SRFBP1: variants seen among roughly 807,000 people sequenced by gnomAD.
The protein encoded by SRFBP1 is serum response factor binding protein 1.
A neutral mutation model predicts 45.5 loss-of-function variants in SRFBP1; 47 were observed. The observed-to-expected ratio is 1.03, with a 90% confidence interval of 0.82 to 1.32. SRFBP1 has a LOEUF of 1.32. Ranked by LOEUF, SRFBP1 falls within the 40% of genes most tolerant of loss-of-function variation. The pLI is 0.00. For missense variants in SRFBP1, 621 were observed against 484.6 expected, an observed-to-expected ratio of 1.28 and a Z score of -2.64; for synonymous variants, 203 against 166.3, an observed-to-expected ratio of 1.22 and a Z score of -1.70.
At chr5:122,045,893 T>C (rs1047610852) in intron 2 of SRFBP1, among the ~76,000 whole-genome samples, 3 of 152,172 alleles carry the variant, frequency 2.0e-5, no homozygotes, top group African/African-American at 7.2e-5. Flanking sequence ...CAATACTATG[T>C]TGAATAGGAG....
chr5:122,009,366 AT>A (rs1053316061), intron 4 of SRFBP1, among the ~76,000 whole-genome samples: 2 of 151,890 alleles, frequency 1.3e-5, no homozygotes, highest in Non-Finnish European at 2.9e-5. Context: ...GATGGATACA[AT>A]TTCCTCATTT....
intron 4 of SRFBP1, among the ~76,000 whole-genome samples, chr5:122,016,112 C>G (rs1753189672): frequency 6.6e-6 from 1 of 152,154 alleles, no homozygotes. Context: ...TCTGTCTTAT[C>G]TGTAGTGTAA....
intron 4 of SRFBP1, among the ~76,000 whole-genome samples, chr5:121,998,597 A>T (rs1752785429): frequency 1.3e-5 from 2 of 149,792 alleles, no homozygotes; most frequent in Non-Finnish European, 3.0e-5. Flanking sequence ...GCGCACCAGC[A>T]TGGCACGTGT....
chr5:121,971,222 G>C (rs904468231), intron 1 of SRFBP1, among the ~76,000 whole-genome samples: 3 of 151,978 alleles, frequency 2.0e-5, no homozygotes, highest in Non-Finnish European at 4.4e-5. Flanking sequence ...TGATTGGAGA[G>C]AGGCAAGAAG....
intron 2 of SRFBP1, among the ~76,000 whole-genome samples, chr5:122,051,100 C>T (rs991655447): frequency 6.6e-6 from 1 of 152,046 alleles, no homozygotes; most frequent in African/African-American, 2.4e-5. Flanking sequence ...TTTTATTGCA[C>T]TGTTATTCTG....
chr5:122,048,709 G>A (rs1462253735), intron 2 of SRFBP1, among the ~76,000 whole-genome samples: 1 of 152,038 alleles, frequency 6.6e-6, no homozygotes, highest in Non-Finnish European at 1.5e-5. Context: ...ATTAATTATT[G>A]CCTCAATTTC....
At chr5:122,076,584 A>C (rs1475670211), downstream of SRFBP1, among the ~76,000 whole-genome samples, 4 of 152,210 alleles carry the variant, frequency 2.6e-5, no homozygotes, top group Admixed American at 2.6e-4. Flanking sequence ...TTTTATGAAA[A>C]GTGATTGGAA....
At chr5:122,014,436 G>A (rs1168934055) in intron 4 of SRFBP1, among the ~76,000 whole-genome samples, 1 of 151,902 alleles carries the variant, frequency 6.6e-6, no homozygotes, top group Non-Finnish European at 1.5e-5. Flanking sequence ...TGACTCTCCG[G>A]GGATTATGCA....
At chr5:121,999,504 GTTTT>G (rs552212667) in intron 4 of SRFBP1, among the ~76,000 whole-genome samples, 1 of 149,890 alleles carries the variant, frequency 6.7e-6, no homozygotes, top group East Asian at 2.0e-4. Context: ...TATTTTTACT[GTTTT>G]TTTTTCTGCC....
chr5:121,962,316 G>A (rs912459914), intron 1 of SRFBP1, among the ~76,000 whole-genome samples: 9 of 152,192 alleles, frequency 5.9e-5, no homozygotes, highest in Non-Finnish European at 1.3e-4. Context: ...AGAACCTTTA[G>A]CCTGTACGTT....
chr5:121,990,256 A>G (rs567439224), intron 3 of SRFBP1, among the ~76,000 whole-genome samples: 15 of 152,308 alleles, frequency 9.8e-5, no homozygotes, highest in Admixed American at 2.6e-4. Context: ...AAAGAATGAA[A>G]TCGTGTCATT....
At chr5:121,967,298 C>G (rs1184518201) in intron 1 of SRFBP1, among the ~76,000 whole-genome samples, 1 of 152,078 alleles carries the variant, frequency 6.6e-6, no homozygotes, top group Non-Finnish European at 1.5e-5. Flanking sequence ...GTGCATAGTA[C>G]TTTTTAATAA....
intron 2 of SRFBP1, among the ~76,000 whole-genome samples, chr5:122,055,425 C>G (rs1484911035): frequency 3.3e-5 from 5 of 152,276 alleles, no homozygotes; most frequent in Admixed American, 3.3e-4. Flanking sequence ...AATCCCAATA[C>G]TAAAACCTAA....
chr5:122,020,832 C>A (rs75655531), intron 6 of SRFBP1, 30 bp downstream of exon 6: 1 of 1,484,838 alleles, frequency 6.7e-7, no homozygotes, highest in East Asian at 2.4e-5. Flanking sequence ...CTGAAATAAT[C>A]ATTAGTTCTT....
chr5:121,973,612 G>A (rs1290266287), intron 1 of SRFBP1, among the ~76,000 whole-genome samples: 1 of 144,026 alleles, frequency 6.9e-6, no homozygotes, highest in Non-Finnish European at 1.5e-5. Flanking sequence ...GTGCATGTGT[G>A]TGTGGGGGGG....
At chr5:121,965,283 G>GT (rs1313670686) in intron 1 of SRFBP1, among the ~76,000 whole-genome samples, 5 of 152,140 alleles carry the variant, frequency 3.3e-5, no homozygotes, top group African/African-American at 1.2e-4. Flanking sequence ...GTCCTGAATG[G>GT]TATTGCCTAG....
At chr5:122,078,121 C>CCTTGGCATTGCTTGGTGGAG, downstream of SRFBP1, 1 of 744,494 alleles carries the variant, frequency 1.3e-6, no homozygotes, top group Non-Finnish European at 1.9e-6. Flanking sequence ...CAGTCTCCAC[C>CCTTGGCATTGCTTGGTGGAG]AAGCAATGCC....
intron 4 of SRFBP1, among the ~76,000 whole-genome samples, chr5:122,010,961 A>G (rs1426845181): frequency 2.6e-5 from 4 of 152,152 alleles, no homozygotes; most frequent in Non-Finnish European, 5.9e-5. Flanking sequence ...CTACCTAAAT[A>G]TCCATGTTTA....
chr5:122,029,287 A>C (rs1369175817), downstream of SRFBP1, among the ~76,000 whole-genome samples: 2 of 152,130 alleles, frequency 1.3e-5, no homozygotes, highest in Non-Finnish European at 2.9e-5. Context: ...CTCCACTACG[A>C]GGCATTACCA....
Sources: gnomAD v4.1 joint callset for allele counts (sites outside exome capture counted in the v4.1 genomes callset) on GRCh38, gnomAD v4.1.1 for gene constraint, MANE v1.5 for transcripts, NCBI Gene and HGNC (gene_info 2026-07-23, HGNC 2026-07-21) for gene names.